DPY19L1: variants seen among roughly 807,000 people sequenced by gnomAD.
DPY19L1 encodes dpy-19 like C-mannosyltransferase 1, also known as protein C-mannosyl-transferase DPY19L1.
DPY19L1 carries 35 observed loss-of-function variants against 96.9 expected under a neutral mutation model. The ratio of observed to expected loss-of-function variants is 0.36; its 90% CI spans 0.28 to 0.48. The LOEUF is 0.48. Among genes scored for constraint, DPY19L1 ranks in the 20% least tolerant of loss-of-function variants. DPY19L1 has a pLI of 0.99. For synonymous variants in DPY19L1, 205 were observed against 252.6 expected, an observed-to-expected ratio of 0.81 and a Z score of 1.79; for missense variants, 521 against 777.9, an observed-to-expected ratio of 0.67 and a Z score of 3.93.
chr7:35,013,532 A>G (rs1584255744), intron 4 of DPY19L1, 36 bp downstream of exon 4: 10 of 1,593,388 alleles, frequency 6.3e-6, no homozygotes, highest in South Asian at 1.1e-5. Context: ...AAGTTTTTAC[A>G]AAAGTGAAAA....
chr7:34,939,247 G>C (rs904839498), intron 20 of DPY19L1, 29 bp downstream of exon 20: 2 of 1,591,308 alleles, frequency 1.3e-6, no homozygotes, highest in South Asian at 2.3e-5. Flanking sequence ...TGGGAGGTTT[G>C]TTTTGATGAT....
chr7:35,036,426 A>C (rs1786401533), intron 1 of DPY19L1, among the ~76,000 whole-genome samples: 2 of 151,200 alleles, frequency 1.3e-5, no homozygotes, highest in African/African-American at 2.4e-5. Context: ...TTTTTTTTTC[A>C]GCACATCATT....
intron 10 of DPY19L1, 129 bp from the exon 11 acceptor site, chr7:34,958,199 C>G: frequency 3.7e-6 from 2 of 542,604 alleles, no homozygotes; most frequent in Non-Finnish European, 6.3e-6. Context: ...ATAAAACAGC[C>G]CATTCTCCAT....
At chr7:34,989,804 A>G in intron 7 of DPY19L1, 80 bp downstream of exon 7, 1 of 1,172,242 alleles carries the variant, frequency 8.5e-7, no homozygotes, top group South Asian at 1.5e-5. Context: ...AAACATTTAA[A>G]GAATGCCATT....
At chr7:35,020,803 G>T (rs1001073923) in intron 1 of DPY19L1, among the ~76,000 whole-genome samples, 1 of 152,118 alleles carries the variant, frequency 6.6e-6, no homozygotes, top group African/African-American at 2.4e-5. Context: ...CCGCCTCCTG[G>T]TTTCAAGCGA....
chr7:34,953,339 G>T (rs927450417), intron 13 of DPY19L1, among the ~76,000 whole-genome samples: 3 of 152,168 alleles, frequency 2.0e-5, no homozygotes, highest in African/African-American at 4.8e-5. Context: ...GGCTATGACA[G>T]AAAATGACAA....
At chr7:34,940,978 G>A (rs1004924659) in intron 18 of DPY19L1, 1 of 152,602 alleles carries the variant, frequency 6.6e-6, no homozygotes, top group Non-Finnish European at 1.5e-5. Flanking sequence ...GAACCTCAAG[G>A]CTGGCTAATT....
intron 3 of DPY19L1, among the ~76,000 whole-genome samples, chr7:35,014,585 A>G (rs780655722): frequency 1.3e-5 from 2 of 152,182 alleles, no homozygotes; most frequent in Non-Finnish European, 2.9e-5. Flanking sequence ...AATACAAAAG[A>G]GATATGCCTA....
chr7:35,005,695 C>T (rs1365153494), intron 6 of DPY19L1, among the ~76,000 whole-genome samples: 1 of 150,166 alleles, frequency 6.7e-6, no homozygotes, highest in Non-Finnish European at 1.5e-5. Flanking sequence ...CGCCTGTAAT[C>T]CCAGATACTC....
At chr7:34,951,314 T>C (rs184777992) in intron 13 of DPY19L1, among the ~76,000 whole-genome samples, 237 of 152,132 alleles carry the variant, frequency 1.6e-3, no homozygotes, top group Admixed American at 3.1e-3. Context: ...ACAGAAAATA[T>C]AAACTTCACA....
chr7:35,016,587 A>G (rs1785853373), intron 3 of DPY19L1, among the ~76,000 whole-genome samples: 1 of 152,222 alleles, frequency 6.6e-6, no homozygotes, highest in Non-Finnish European at 1.5e-5. Flanking sequence ...ATAATGAAAT[A>G]ACTAACCTAG....
intron 6 of DPY19L1, among the ~76,000 whole-genome samples, chr7:34,997,288 A>G (rs1190039890): frequency 6.6e-6 from 1 of 151,184 alleles, no homozygotes; most frequent in African/African-American, 2.4e-5. Context: ...GGCCAAGTTA[A>G]TATTAATTCA....
chr7:34,996,470 T>C (rs1321934418), intron 6 of DPY19L1, among the ~76,000 whole-genome samples: 1 of 152,148 alleles, frequency 6.6e-6, no homozygotes, highest in African/African-American at 2.4e-5. Context: ...CCTAGAAATA[T>C]CACTCTCCTC....
chr7:35,003,237 T>C (rs1785470797), intron 6 of DPY19L1, among the ~76,000 whole-genome samples: 1 of 151,902 alleles, frequency 6.6e-6, no homozygotes, highest in African/African-American at 2.4e-5. Context: ...AGAGGGAAAA[T>C]AAACCAAGAA....
At chr7:35,012,203 G>A (rs328942) in intron 4 of DPY19L1, among the ~76,000 whole-genome samples, 39,791 of 152,048 alleles carry the variant, frequency 0.26, 5,420 homozygotes, top group Non-Finnish European at 0.31. Flanking sequence ...CAAGGCCAGG[G>A]GCCCTTCTCA....
rs1175131357 is a variant in DPY19L1, at chr7:34,931,203, G to T, written c.*370C>A. The T allele has an allele frequency of 6.3e-6, 1 of 158,002 alleles. No homozygotes were observed. Among genetic ancestry groups the T allele is most frequent in the East Asian group, 1.9e-4 (1 of 5,396 alleles). 9.8% of individuals were successfully genotyped at this position (158,002 alleles called of 1,614,324 possible). A position where few individuals can be genotyped will look rare whatever the true frequency, so the allele number is the denominator to read the frequency against. The stretch of plus-strand genomic sequence containing the variant: ...AAAAAAGAAGCAAGGGGCATTAATA[G>T]TTCTTACACTATAAAATCAGCCCCT... On this transcript the variant is annotated 3_prime_UTR_variant, in exon 22 of 22. Transcript: ENST00000638088.
intron 6 of DPY19L1, among the ~76,000 whole-genome samples, chr7:34,996,597 A>G (rs1584244929): frequency 2.0e-5 from 3 of 152,030 alleles, no homozygotes; most frequent in African/African-American, 7.2e-5. Flanking sequence ...GGGCTGCTAC[A>G]GCCTCCGACA....
chr7:34,945,971 T>C (rs1403657574), intron 15 of DPY19L1, among the ~76,000 whole-genome samples: 1 of 152,228 alleles, frequency 6.6e-6, no homozygotes, highest in South Asian at 2.1e-4. Context: ...GATTAAATGA[T>C]TGCCCTGTAG....
At chr7:34,955,495 A>T in intron 11 of DPY19L1, 128 bp from the exon 12 acceptor site, 3 of 1,201,468 alleles carry the variant, frequency 2.5e-6, no homozygotes, top group South Asian at 1.5e-5. Flanking sequence ...GACTTTCCAC[A>T]TACCATCCAC....
Sources: gnomAD v4.1 joint callset for allele counts (sites outside exome capture counted in the v4.1 genomes callset) on GRCh38, gnomAD v4.1.1 for gene constraint, MANE v1.5 for transcripts, NCBI Gene and HGNC (gene_info 2026-07-23, HGNC 2026-07-21) for gene names.